The following ANKRD45 variants were observed in gnomAD, a reference collection of about 807,000 sequenced individuals.
ANKRD45 encodes ankyrin repeat domain-containing protein 45.
Under a neutral mutation model 28.1 loss-of-function variants are expected in ANKRD45, and 21 were observed. The observed-to-expected ratio is 0.75, with a 90% CI of 0.53 to 1.08. The LOEUF (loss-of-function observed/expected upper bound fraction) is 1.08. ANKRD45 is among the 50% of genes least tolerant of loss of function. The pLI is 0.00. For synonymous variants in ANKRD45, 86 were observed against 103.9 expected, an observed-to-expected ratio of 0.83 and a Z score of 1.05; for missense variants, 261 against 308.7, an observed-to-expected ratio of 0.85 and a Z score of 1.16.
At chr1:173,646,725 A>G in intron 3 of ANKRD45, 121 bp downstream of exon 3, 2 of 959,338 alleles carry the variant, frequency 2.1e-6, no homozygotes, top group Non-Finnish European at 3.1e-6. Context: ...ATTATCACCA[A>G]CTGTGACTGT....
intron 2 of ANKRD45, among the ~76,000 whole-genome samples, chr1:173,656,884 C>T (rs748267554): frequency 3.6e-4 from 55 of 151,406 alleles, no homozygotes; most frequent in Non-Finnish European, 7.2e-4. Context: ...ATTCCTATTT[C>T]CCTAAGAGCT....
the ANKRD45 span, among the ~76,000 whole-genome samples, chr1:173,676,707 G>A: frequency 2.6e-5 from 4 of 151,566 alleles, no homozygotes; most frequent in Non-Finnish European, 5.9e-5. Flanking sequence ...CAATTGACAA[G>A]GAAATTTGTT....
At chr1:173,613,771 C>T (rs887367098) in intron 5 of ANKRD45, among the ~76,000 whole-genome samples, 2 of 152,188 alleles carry the variant, frequency 1.3e-5, no homozygotes, top group African/African-American at 4.8e-5. Context: ...GGGAGGTGTA[C>T]CCAACAGCTC....
chr1:173,638,213 A>C (rs1459606711), intron 3 of ANKRD45, among the ~76,000 whole-genome samples: 1 of 152,120 alleles, frequency 6.6e-6, no homozygotes, highest in East Asian at 1.9e-4. Flanking sequence ...TTAACCTCCC[A>C]GGGAAAGAGA....
intron 3 of ANKRD45, among the ~76,000 whole-genome samples, chr1:173,643,171 A>ATT (rs370267609): frequency 3.2e-4 from 42 of 132,256 alleles, no homozygotes; most frequent in East Asian, 1.5e-3. Context: ...TTGCCTGAGA[A>ATT]TTTTTTTTTT....
At chr1:173,628,451 T>C (rs568473992) in intron 3 of ANKRD45, among the ~76,000 whole-genome samples, 1 of 151,458 alleles carries the variant, frequency 6.6e-6, no homozygotes, top group African/African-American at 2.4e-5. Flanking sequence ...CACAGGCTGA[T>C]TGTAGAGCCC....
Position 173,649,759 on chromosome 1 carries a change from T to C in ANKRD45, c.329-2746A>G, listed in dbSNP as rs558384400. 2.6e-5 allele frequency among the ~76,000 whole-genome samples: 4 copies of C among 152,330 alleles called. No homozygotes were observed. The South Asian group carries it at 8.3e-4, about 32-fold the overall frequency. On this transcript the variant is annotated intron_variant, in intron 2 of 5. Coordinates refer to ENST00000333279, the MANE Select transcript of ANKRD45 (RefSeq NM_198493.3). ...ACTCTATTTTTCAGAAAGTTTAAAATATTTTGCTTTACACATTCATGTCTT... is the reference window on the plus strand; with the variant it reads ...ACTCTATTTTTCAGAAAGTTTAAAACATTTTGCTTTACACATTCATGTCTT...
intron 1 of ANKRD45, among the ~76,000 whole-genome samples, chr1:173,664,678 GATATT>G (rs1404967724): frequency 2.6e-5 from 4 of 152,022 alleles, no homozygotes; most frequent in African/African-American, 7.2e-5. Context: ...TACCAAATAT[GATATT>G]ATATTATTTC....
chr1:173,656,903 G>A (rs1178901035), intron 2 of ANKRD45, among the ~76,000 whole-genome samples: 1 of 150,964 alleles, frequency 6.6e-6, no homozygotes, highest in East Asian at 2.0e-4. Context: ...CTTTCATCAC[G>A]AGCCAGATGC....
chr1:173,653,228 G>A (rs1306187215), intron 2 of ANKRD45, among the ~76,000 whole-genome samples: 1 of 151,990 alleles, frequency 6.6e-6, no homozygotes, highest in East Asian at 1.9e-4. Flanking sequence ...TTCTCTTGTG[G>A]GCATTTAGTG....
intron 3 of ANKRD45, among the ~76,000 whole-genome samples, chr1:173,642,855 G>A (rs910419928): frequency 1.3e-4 from 20 of 152,258 alleles, no homozygotes; most frequent in East Asian, 5.8e-4. Context: ...AATGGAAACC[G>A]GACACAGCAG....
chr1:173,611,396 T>C lies in ANKRD45; in HGVS notation c.731-1181A>G, dbSNP rs547413809. Among the ~76,000 whole-genome samples the C allele has an allele frequency of 5.3e-5, 8 of 152,302 alleles. No individual in the cohort carries two copies. The East Asian group carries it at 1.5e-3, about 29-fold the overall frequency. ...TGCTATGTGTGTGCTCAACAGATCA[T>C]ATGATTCATGTTAGTTCTAGATGGC... On this transcript the variant is annotated intron_variant, in intron 5 of 5. Transcript: ENST00000333279.
In ANKRD45 at chr1:173,624,903, C is replaced by T. The variant is rs754680825; in HGVS notation, c.614G>A (p.Arg205His). ...EDKNTILSAC[R>H]AKNEWLETHT... ...GGTTTCCAACCACTCATTTTTTGCA[C>T]GGCATGCACTGAGGATGGTATTCTA... Residue 205 changes from arginine to histidine, a missense_variant, in exon 5 of 6, where the codon CGT (arginine) becomes CAT (histidine). By Grantham distance (29) the Arg-to-His change is conservative (BLOSUM62 0). Coordinates refer to ENST00000333279, the MANE Select transcript of ANKRD45 (RefSeq NM_198493.3). 17 of 1,613,306 alleles carry T rather than the reference C, an allele frequency of 1.1e-5. No individual in the cohort carries two copies. Among genetic ancestry groups the T allele is most frequent in the South Asian group, 7.7e-5 (7 of 91,006 alleles).
the ANKRD45 span, among the ~76,000 whole-genome samples, chr1:173,706,889 T>A: frequency 6.6e-6 from 1 of 152,192 alleles, no homozygotes; most frequent in African/African-American, 2.4e-5. Context: ...AGTTTTATCA[T>A]TTTGCACACA....
At chr1:173,694,434 G>T in the ANKRD45 span, among the ~76,000 whole-genome samples, 1 of 151,928 alleles carries the variant, frequency 6.6e-6, no homozygotes, top group African/African-American at 2.4e-5. Context: ...AAAGTGCTGG[G>T]ATTACAAGCG....
At chr1:173,697,981 A>C in the ANKRD45 span, among the ~76,000 whole-genome samples, 3 of 150,230 alleles carry the variant, frequency 2.0e-5, no homozygotes, top group East Asian at 3.9e-4. Flanking sequence ...ATTTACCAAG[A>C]AAATGGAAAG....
rs1668393592 is a variant in ANKRD45 at position 173,635,561 on chromosome 1, T to C, written c.497-8402A>G. On this transcript the variant is annotated intron_variant, in intron 3 of 5. Transcript: ENST00000333279. ...ACTACCGCTGATTTTTTCTCTGTTG[T>C]TTATCTGCTTCTTCGGGGAGAGTTT... The C allele has an allele frequency of 5.2e-6, 8 of 1,535,000 alleles. No homozygotes were observed. In the South Asian group the frequency reaches 8.3e-5, roughly 16 times the overall value.
chr1:173,676,057 C>A, the ANKRD45 span, among the ~76,000 whole-genome samples: 2 of 152,186 alleles, frequency 1.3e-5, no homozygotes, highest in Non-Finnish European at 2.9e-5. Context: ...AGGTCAGGAA[C>A]CCTGTAAAGG....
chr1:173,650,177 A>T (rs1669117921), intron 2 of ANKRD45, among the ~76,000 whole-genome samples: 1 of 152,176 alleles, frequency 6.6e-6, no homozygotes, highest in African/African-American at 2.4e-5. Context: ...ACATAGGTAT[A>T]CATGTGCCAT....
Sources: allele counts gnomAD v4.1 joint callset (sites outside exome capture counted in the v4.1 genomes callset), GRCh38; gene constraint gnomAD v4.1.1; transcripts MANE v1.5; gene names NCBI Gene and HGNC (gene_info 2026-07-23, HGNC 2026-07-21).